The following ST3GAL2 variants were observed in gnomAD, a reference collection of about 807,000 sequenced individuals.
The protein encoded by ST3GAL2 is CMP-N-acetylneuraminate-beta-galactosamide-alpha-2,3-sialyltransferase 2.
A neutral mutation model predicts 37.5 loss-of-function variants in ST3GAL2; 16 were observed. The ratio of observed to expected loss-of-function variants is 0.43; its 90% CI spans 0.29 to 0.65. The LOEUF (loss-of-function observed/expected upper bound fraction) is 0.65. Among genes scored for constraint, ST3GAL2 ranks in the 30% least tolerant of loss-of-function variants. The pLI is 0.17. For missense variants in ST3GAL2, 383 were observed against 487.8 expected, an observed-to-expected ratio of 0.79 and a Z score of 2.02; for synonymous variants, 238 against 202.9, an observed-to-expected ratio of 1.17 and a Z score of -1.47.
At chr16:70,409,091 A>C (rs1302915258) in intron 1 of ST3GAL2, among the ~76,000 whole-genome samples, 1 of 150,962 alleles carries the variant, frequency 6.6e-6, no homozygotes, top group African/African-American at 2.4e-5. Context: ...GGCAGGGGGA[A>C]ATCCAGTATC....
At position 70,381,872 on chromosome 16, in the gene ST3GAL2, A is replaced by T; in HGVS notation, c.880-10T>A. The T allele has an allele frequency of 1.9e-6, 3 of 1,612,242 alleles. No homozygotes were observed. The African/African-American group carries it at 4.0e-5, about 21-fold the overall frequency. On this transcript the variant is annotated splice_polypyrimidine_tract_variant and intron_variant, in intron 6 of 6. Coordinates refer to ENST00000342907, the MANE Select transcript of ST3GAL2 (RefSeq NM_006927.4). ...ACCCGTACACGTTCACCTGCGGGGA[A>T]GCGCAGCGGAGCGTCACCCCAGGCG...
chr16:70,396,298 CAAAAA>C (rs35024720), intron 2 of ST3GAL2, among the ~76,000 whole-genome samples: 4 of 129,350 alleles, frequency 3.1e-5, no homozygotes, highest in Non-Finnish European at 6.4e-5. Context: ...TATTTTTACT[CAAAAA>C]AAAAAAAAAA....
In ST3GAL2 at chr16:70,381,496, A is replaced by AG. The variant is rs777703042; in HGVS notation, c.*192dup. ...TCCTTGAGTCACATGATTGGCTGGG[A>AG]GAAACAGAAGCTCCGCCCGACCGCA... On this transcript the variant is annotated 3_prime_UTR_variant, in exon 7 of 7. Transcript: ENST00000342907. The AG allele has an allele frequency of 3.1e-6, 2 of 646,180 alleles. No homozygotes were observed. Among genetic ancestry groups the AG allele is most frequent in the Non-Finnish European group, 2.6e-6 (1 of 384,306 alleles). The allele number at this position is 646,180 out of a possible 1,614,324, so 40.0% of individuals were successfully genotyped here.
chr16:70,388,347 C>A lies in ST3GAL2; in HGVS notation c.713+20G>T. The A allele has an allele frequency of 6.2e-7, 1 of 1,613,898 alleles. No homozygotes were observed. Among genetic ancestry groups the A allele is most frequent in the Non-Finnish European group, 8.5e-7 (1 of 1,179,930 alleles). On this transcript the variant is annotated intron_variant, in intron 4 of 6. Transcript: ENST00000342907. ...ATGGTCCTGTCACCCATATTCTACC[C>A]AGGCCAGCAAGAAGCTCACAATCGG...
At chr16:70,433,329 C>G (rs2047803972) in intron 1 of ST3GAL2, among the ~76,000 whole-genome samples, 1 of 152,164 alleles carries the variant, frequency 6.6e-6, no homozygotes, top group African/African-American at 2.4e-5. Context: ...CCCAGCCATA[C>G]CCTGCTGCCA....
intron 1 of ST3GAL2, among the ~76,000 whole-genome samples, chr16:70,434,815 C>T (rs867737599): frequency 2.0e-5 from 3 of 152,236 alleles, no homozygotes; most frequent in Admixed American, 1.3e-4. Context: ...GTCCCAGGGC[C>T]ACTGTGTGAC....
At chr16:70,419,997 C>T (rs1173753903) in intron 1 of ST3GAL2, among the ~76,000 whole-genome samples, 1 of 144,604 alleles carries the variant, frequency 6.9e-6, no homozygotes, top group African/African-American at 2.5e-5. Context: ...AGGGACACCA[C>T]AACTGACCAT....
intron 1 of ST3GAL2, among the ~76,000 whole-genome samples, chr16:70,434,826 C>T (rs2047814464): frequency 6.6e-6 from 1 of 152,158 alleles, no homozygotes; most frequent in Non-Finnish European, 1.5e-5. Flanking sequence ...ACTGTGTGAC[C>T]CACAGTGTAT....
At position 70,380,345 on chromosome 16, in the gene ST3GAL2, A is replaced by T. The variant is rs1228725734; in HGVS notation, c.*1344T>A. 7.2e-5 allele frequency: 11 copies of T among 152,300 alleles called. No homozygotes were observed. The highest frequency in any genetic ancestry group is 5.2e-4 in the Admixed American group (8 of 15,266). The allele number at this position is 152,300 out of a possible 1,614,324, so 9.4% of individuals were successfully genotyped here. A position where few individuals can be genotyped will look rare whatever the true frequency, so the allele number is the denominator to read the frequency against. On this transcript the variant is annotated 3_prime_UTR_variant, in exon 7 of 7. Transcript: ENST00000342907. The stretch of plus-strand genomic sequence containing the variant: ...GGAAGCTGCCTGGTGGTGTCAACTA[A>T]GAAAAGGGGGAGCATCTGCGCCGTC...
Position 70,381,725 on chromosome 16 carries a change from G to C in ST3GAL2, c.1017C>G (p.Ala339=). The change falls in exon 7 of 7, where the codon GCC becomes GCG. Residue 339 remains alanine, a synonymous_variant. Transcript: ENST00000342907. ...GGTAGACTTCGATCTTGCTGGCCTT[G>C]GCCAGCATGTCGATGATGTGGGCCT... ...DFEAHIIDML[A]KASKIEVYRG... The C allele has an allele frequency of 6.2e-7, 1 of 1,614,008 alleles. No homozygotes were observed. Among genetic ancestry groups the C allele is most frequent in the Non-Finnish European group, 8.5e-7 (1 of 1,179,942 alleles).
chr16:70,385,879 G>A (rs911623013), intron 4 of ST3GAL2, among the ~76,000 whole-genome samples: 5 of 151,384 alleles, frequency 3.3e-5, no homozygotes, highest in Non-Finnish European at 7.4e-5. Flanking sequence ...GCTAATTTTT[G>A]TATTTTTTGC....
Position 70,379,398 on chromosome 16 carries a change from T to G in ST3GAL2, c.*2291A>C, listed in dbSNP as rs1252057370. 1 of 151,746 alleles carries G rather than the reference T, an allele frequency of 6.6e-6. No homozygotes were observed. The highest frequency in any genetic ancestry group is 1.5e-5 in the Non-Finnish European group (1 of 67,978). 9.4% of individuals were successfully genotyped at this position (151,746 alleles called of 1,614,324 possible). On this transcript the variant is annotated 3_prime_UTR_variant, in exon 7 of 7. Transcript: ENST00000342907. ...ATAGGTGGGGGAGGGTATCTGGGAG[T>G]CATCTCGCCCCTCCCATATCCCCCA...
At chr16:70,434,066 G>A (rs1180081305) in intron 1 of ST3GAL2, among the ~76,000 whole-genome samples, 3 of 151,984 alleles carry the variant, frequency 2.0e-5, no homozygotes, top group Non-Finnish European at 4.4e-5. Context: ...TGGTGGACTC[G>A]TCTTATCCCC....
At chr16:70,396,774 A>G (rs2047518866) in intron 2 of ST3GAL2, among the ~76,000 whole-genome samples, 1 of 152,088 alleles carries the variant, frequency 6.6e-6, no homozygotes, top group African/African-American at 2.4e-5. Context: ...CAGTGCTGAC[A>G]TGGCTCCACC....
At chr16:70,426,048 T>C (rs1410321845) in intron 1 of ST3GAL2, among the ~76,000 whole-genome samples, 1 of 152,186 alleles carries the variant, frequency 6.6e-6, no homozygotes, top group Non-Finnish European at 1.5e-5. Context: ...CCATGCCTTT[T>C]GCTGTCTAGC....
At chr16:70,436,458 G>GAAAAAA (rs58205790) in intron 1 of ST3GAL2, among the ~76,000 whole-genome samples, 2 of 112,370 alleles carry the variant, frequency 1.8e-5, no homozygotes, top group African/African-American at 7.0e-5. Flanking sequence ...CTCAAAAAAA[G>GAAAAAA]AAAAAAAAAA....
rs913482394 is a variant in ST3GAL2 at position 70,398,803 on chromosome 16, C to G, written c.-273G>C. 2 of 570,476 alleles carry G rather than the reference C, an allele frequency of 3.5e-6. No homozygotes were observed. Among genetic ancestry groups the G allele is most frequent in the Non-Finnish European group, 6.2e-6 (2 of 321,330 alleles). 35.3% of individuals were successfully genotyped at this position (570,476 alleles called of 1,614,324 possible). ...TCCGTCACTAGCTAGGCCACAGAGG[C>G]TCTGCCTCTCCTGCCACCCTGGTGA... On this transcript the variant is annotated 5_prime_UTR_variant, in exon 2 of 7. Coordinates refer to ENST00000342907, the MANE Select transcript of ST3GAL2 (RefSeq NM_006927.4).
chr16:70,390,561 C>T (rs1244278066), intron 3 of ST3GAL2, among the ~76,000 whole-genome samples: 1 of 152,184 alleles, frequency 6.6e-6, no homozygotes, highest in African/African-American at 2.4e-5. Context: ...CTGTCTGCCG[C>T]TTTAAGACCC....
At chr16:70,420,325 A>C (rs572937162) in intron 1 of ST3GAL2, among the ~76,000 whole-genome samples, 7 of 152,242 alleles carry the variant, frequency 4.6e-5, no homozygotes, top group South Asian at 4.1e-4. Context: ...ACATGGAACA[A>C]GGCTGCACTC....
Sources: gnomAD v4.1 joint callset for allele counts (sites outside exome capture counted in the v4.1 genomes callset) on GRCh38, gnomAD v4.1.1 for gene constraint, MANE v1.5 for transcripts, NCBI Gene and HGNC (gene_info 2026-07-23, HGNC 2026-07-21) for gene names.